The following SH3BGRL2 variants were observed in gnomAD, a reference collection of about 807,000 sequenced individuals.
SH3BGRL2 encodes the protein SH3 domain binding glutamate rich protein like 2.
In SH3BGRL2, 21 loss-of-function variants were observed where a neutral mutation model predicts 14.8. The ratio of observed to expected loss-of-function variants is 1.42; its 90% CI spans 1.01 to 2.05. The LOEUF (loss-of-function observed/expected upper bound fraction) is 2.05, where lower values mean the gene tolerates loss of function less well. SH3BGRL2 is among the 30% of genes most tolerant of loss of function. The pLI is 0.00. For missense variants in SH3BGRL2, 147 were observed against 130.8 expected (o/e 1.12, Z -0.61); for synonymous variants, 50 against 47.8 (o/e 1.05, Z -0.19).
chr6:79,685,619 A>G (rs181568881), intron 2 of SH3BGRL2, among the ~76,000 whole-genome samples: 1 of 152,186 alleles, frequency 6.6e-6, no homozygotes, highest in African/African-American at 2.4e-5. Context: ...ACACACATGA[A>G]TTGCTAAAGT....
At chr6:79,605,895 C>G in the SH3BGRL2 span, among the ~76,000 whole-genome samples, 1 of 152,194 alleles carries the variant, frequency 6.6e-6, no homozygotes, top group Non-Finnish European at 1.5e-5. Flanking sequence ...AAATATAACA[C>G]TCTTAGTAGA....
intron 2 of SH3BGRL2, among the ~76,000 whole-genome samples, chr6:79,690,323 A>C (rs946304570): frequency 6.6e-6 from 1 of 152,146 alleles, no homozygotes; most frequent in Non-Finnish European, 1.5e-5. Flanking sequence ...ATAGAGACAG[A>C]TGGTAGCCTT....
chr6:79,649,985 T>TCTCTCTCA (rs765159303), intron 1 of SH3BGRL2, among the ~76,000 whole-genome samples: 32 of 142,076 alleles, frequency 2.3e-4, no homozygotes, highest in Non-Finnish European at 4.3e-4. Flanking sequence ...TCTCTCTCTC[T>TCTCTCTCA]CACACACACA....
chr6:79,631,562 G>GGCGCGGGGCGCGGGTCCTGCGGC lies in SH3BGRL2; in HGVS notation c.45+56_45+57insGCGCGGGGCGCGGGTCCTGCGGC, dbSNP rs1768825136. 5.3e-6 allele frequency: 7 copies of GGCGCGGGGCGCGGGTCCTGCGGC among 1,323,218 alleles called. No individual in the cohort carries two copies. The South Asian group carries it at 1.5e-4, about 28-fold the overall frequency. 82.0% of individuals were successfully genotyped at this position (1,323,218 alleles called of 1,614,324 possible). A position where few individuals can be genotyped will look rare whatever the true frequency, so the allele number is the denominator to read the frequency against. On this transcript the variant is annotated intron_variant, in intron 1 of 3. Transcript: ENST00000369838. Reference sequence around the variant, plus strand: ...GGGTCGCGGGGCGCGGGTCCTGCGGGAGGCGCGCGGCGCTCGTCACTGCGC... The same window carrying GGCGCGGGGCGCGGGTCCTGCGGC: ...GGGTCGCGGGGCGCGGGTCCTGCGGGGCGCGGGGCGCGGGTCCTGCGGCAGGCGCGCGGCGCTCGTCACTGCGC...
chr6:79,620,042 T>C, the SH3BGRL2 span, among the ~76,000 whole-genome samples: 2 of 152,084 alleles, frequency 1.3e-5, no homozygotes, highest in Non-Finnish European at 2.9e-5. Context: ...TTTATATTGA[T>C]TTTTTTTCCT....
intron 1 of SH3BGRL2, among the ~76,000 whole-genome samples, chr6:79,647,160 A>T (rs1328327696): frequency 6.6e-6 from 1 of 152,182 alleles, no homozygotes; most frequent in Non-Finnish European, 1.5e-5. Context: ...TCCCACTAGC[A>T]ATGTATGCAG....
chr6:79,539,142 A>G, the SH3BGRL2 span, among the ~76,000 whole-genome samples: 1 of 152,222 alleles, frequency 6.6e-6, no homozygotes, highest in Admixed American at 6.5e-5. Context: ...TCAAAATAAC[A>G]GTATCAGTTT....
At chr6:79,694,855 C>T (rs1770299450) in intron 2 of SH3BGRL2, among the ~76,000 whole-genome samples, 1 of 152,168 alleles carries the variant, frequency 6.6e-6, no homozygotes, top group South Asian at 2.1e-4. Context: ...TTGCTTACTG[C>T]AATTGCCAAA....
the SH3BGRL2 span, among the ~76,000 whole-genome samples, chr6:79,538,053 TTA>T: frequency 7.5e-6 from 1 of 133,372 alleles, no homozygotes; most frequent in Non-Finnish European, 1.6e-5. Context: ...TTTTTTTTTT[TTA>T]AGGAACGTTT....
At chr6:79,647,328 C>CT (rs200020550) in intron 1 of SH3BGRL2, among the ~76,000 whole-genome samples, 224 of 150,804 alleles carry the variant, frequency 1.5e-3, no homozygotes, top group African/African-American at 5.1e-3. Context: ...TTGTGGGTAT[C>CT]TTTTTTTTTA....
chr6:79,637,504 A>G (rs1768948824), intron 1 of SH3BGRL2, among the ~76,000 whole-genome samples: 1 of 151,970 alleles, frequency 6.6e-6, no homozygotes, highest in African/African-American at 2.4e-5. Flanking sequence ...CAGCCTGGCC[A>G]GTATATAGTG....
chr6:79,697,197 T>C (rs1004898609), intron 3 of SH3BGRL2, among the ~76,000 whole-genome samples: 4 of 152,132 alleles, frequency 2.6e-5, no homozygotes, highest in African/African-American at 9.7e-5. Flanking sequence ...ATATTATTTC[T>C]TTTTTTAAAA....
chr6:79,648,692 T>C (rs1342166575), intron 1 of SH3BGRL2, among the ~76,000 whole-genome samples: 1 of 152,114 alleles, frequency 6.6e-6, no homozygotes, highest in Non-Finnish European at 1.5e-5. Context: ...TTAGAGCACT[T>C]GGCACATAGT....
chr6:79,658,390 T>G (rs34722731), intron 1 of SH3BGRL2, among the ~76,000 whole-genome samples: 68,872 of 151,968 alleles, frequency 0.45, 16,541 homozygotes, highest in Non-Finnish European at 0.53. Flanking sequence ...AGAACATGCG[T>G]TGTTTGGTTT....
At chr6:79,658,779 T>C (rs1490196522) in intron 1 of SH3BGRL2, among the ~76,000 whole-genome samples, 2 of 152,224 alleles carry the variant, frequency 1.3e-5, no homozygotes, top group Non-Finnish European at 2.9e-5. Flanking sequence ...AGCGTTCCTA[T>C]TTCTCCATAT....
chr6:79,659,264 G>A (rs1769489685), intron 1 of SH3BGRL2, among the ~76,000 whole-genome samples: 1 of 152,238 alleles, frequency 6.6e-6, no homozygotes, highest in African/African-American at 2.4e-5. Context: ...GGTTTTTATG[G>A]TTTTAGGTCT....
chr6:79,617,323 T>G, the SH3BGRL2 span, among the ~76,000 whole-genome samples: 1 of 152,196 alleles, frequency 6.6e-6, no homozygotes. Context: ...TGAAATTAAG[T>G]AGTAGGTACC....
the SH3BGRL2 span, chr6:79,561,420 AATC>A: frequency 1.3e-5 from 2 of 152,172 alleles, no homozygotes; most frequent in Admixed American, 6.5e-5. Context: ...ATATGGTTGT[AATC>A]ATCAATTGAC....
At chr6:79,689,197 A>G (rs1013372949) in intron 2 of SH3BGRL2, among the ~76,000 whole-genome samples, 2 of 151,992 alleles carry the variant, frequency 1.3e-5, no homozygotes, top group African/African-American at 2.4e-5. Context: ...CAAATTTTAT[A>G]TTTGTCATTT....
Sources: gnomAD v4.1 joint callset for allele counts (sites outside exome capture counted in the v4.1 genomes callset) on GRCh38, gnomAD v4.1.1 for gene constraint, MANE v1.5 for transcripts, NCBI Gene and HGNC (gene_info 2026-07-23, HGNC 2026-07-21) for gene names.